Variants in ZNF117 observed in about 807,000 individuals in gnomAD.
ZNF117 encodes the protein Krueppel-related zinc finger protein.
ZNF117 carries 37 observed loss-of-function variants against 41.2 expected under a neutral mutation model. The ratio of observed to expected loss-of-function variants is 0.90; its 90% CI spans 0.69 to 1.18. ZNF117 has a LOEUF of 1.18. ZNF117 is among the 50% of genes most tolerant of loss of function. The pLI is 0.00. For missense variants in ZNF117, 546 were observed against 557.5 expected (o/e 0.98, Z 0.21); for synonymous variants, 186 against 186.6 (o/e 1.00, Z 0.02).
exon 3 of ZNF117, chr7:64,978,336 G>A (rs1324082966): frequency 1.9e-6 from 3 of 1,613,414 alleles, no homozygotes; most frequent in South Asian, 2.2e-5. Flanking sequence ...TTTCTCTCCA[G>A]TATGAATTTT....
At chr7:64,985,636 T>C (rs1289379424), upstream of ZNF117, among the ~76,000 whole-genome samples, 1 of 152,142 alleles carries the variant, frequency 6.6e-6, no homozygotes, top group Non-Finnish European at 1.5e-5. Flanking sequence ...ATACATAAAA[T>C]TTAAATGCTT....
At chr7:64,975,237 T>G (rs1271007734) in exon 3 of ZNF117, 1 of 151,924 alleles carries the variant, frequency 6.6e-6, no homozygotes, top group Non-Finnish European at 1.5e-5. Flanking sequence ...AAAGTTTAAT[T>G]AAAAAATTAA....
At chr7:64,972,028 C>T (rs1584041714), downstream of ZNF117, 1 of 151,752 alleles carries the variant, frequency 6.6e-6, no homozygotes, top group East Asian at 1.9e-4. Context: ...GAGCAAAAGG[C>T]TTAAATATTT....
upstream of ZNF117, chr7:64,982,125 C>T (rs540509510): frequency 2.4e-6 from 2 of 848,368 alleles, no homozygotes; most frequent in African/African-American, 1.7e-5. Flanking sequence ...CCCTGAAAAA[C>T]ACAAAAACAC....
At chr7:64,978,116 GGATCA>G (rs1785930279) in exon 3 of ZNF117, 1 of 1,604,758 alleles carries the variant, frequency 6.2e-7, no homozygotes, top group Non-Finnish European at 8.5e-7. Flanking sequence ...TGAGTTTTGA[GGATCA>G]GGTAGAAGCT....
chr7:64,980,184 T>C (rs13233376), intron 2 of ZNF117: 77,561 of 151,918 alleles, frequency 0.51, 20,773 homozygotes, highest in Admixed American at 0.63. Context: ...AAGAACATGT[T>C]TGAAAGACTC....
exon 3 of ZNF117, chr7:64,977,727 C>A: frequency 1.1e-6 from 1 of 891,466 alleles, no homozygotes; most frequent in Non-Finnish European, 1.7e-6. Context: ...ACATTCTTCA[C>A]ATTTATATGG....
At chr7:64,977,090 A>G (rs1267418599) in exon 3 of ZNF117, 1 of 524,260 alleles carries the variant, frequency 1.9e-6, no homozygotes, top group East Asian at 5.6e-5. Context: ...GAATTATATT[A>G]TGTATAGCAA....
At chr7:64,988,105 T>C (rs2129120944) in intron 1 of ZNF117, among the ~76,000 whole-genome samples, 1 of 152,208 alleles carries the variant, frequency 6.6e-6, no homozygotes, top group African/African-American at 2.4e-5. Flanking sequence ...ACTCATTATA[T>C]AAGAATGTCA....
Position 64,981,336 on chromosome 7 carries a change from C to T in ZNF117, c.34+51G>A. 2.5e-6 allele frequency: 4 copies of T among 1,604,824 alleles called. No individual in the cohort carries two copies. In the Middle Eastern group the frequency reaches 6.6e-4, roughly 266 times the overall value. ...TCACATTTTAAGCTGTGGCCTTCTC[C>T]TTGGCCTTTGACCTCTTCTCTGTGC... On this transcript the variant is annotated intron_variant, in intron 2 of 2. Transcript: ENST00000620222.
chr7:64,987,619 C>G (rs1786161490), intron 1 of ZNF117, among the ~76,000 whole-genome samples: 1 of 152,020 alleles, frequency 6.6e-6, no homozygotes, highest in Non-Finnish European at 1.5e-5. Context: ...CCTGACCCCA[C>G]AAGAATACAA....
intron 2 of ZNF117, among the ~76,000 whole-genome samples, 172 bp from the exon 4 acceptor site, chr7:64,979,708 A>C (rs1785983692): frequency 6.6e-6 from 1 of 152,038 alleles, no homozygotes; most frequent in Admixed American, 6.6e-5. Flanking sequence ...TATTGACCAA[A>C]ATGCATTTAT....
rs948598537 is a variant in ZNF117, at chr7:64,981,224, A to C, written c.34+163T>G. On this transcript the variant is annotated intron_variant, in intron 2 of 2. Coordinates refer to ENST00000620222, the Ensembl canonical transcript of ZNF117. ...AGGAATCCTTAGAGAATTGAAAAAC[A>C]ATACAAAATATGTTCTATGTGAGAG... 16 of 866,792 alleles carry C rather than the reference A, an allele frequency of 1.8e-5. No individual in the cohort carries two copies. In the Middle Eastern group the frequency reaches 1.4e-3, roughly 75 times the overall value. The allele number at this position is 866,792 out of a possible 1,614,324, so 53.7% of individuals were successfully genotyped here.
rs779401619 is a variant in ZNF117, at chr7:64,978,626, T to C, written c.945A>G (p.Lys315=). The C allele has an allele frequency of 1.7e-5, 27 of 1,607,356 alleles. No homozygotes were observed. In the East Asian group the frequency reaches 3.4e-4, roughly 20 times the overall value. The change falls in exon 3 of 3, where the codon AAA becomes AAG. Residue 315 remains lysine, a synonymous_variant. Coordinates refer to ENST00000620222, the Ensembl canonical transcript of ZNF117. ...TATGGTCAGTAAGATTTGAAAATTG[T>C]TTAAAAGCTTTGCCACATTCTTCAC...
intron 2 of ZNF117, 47 bp downstream of exon 3, chr7:64,981,340 G>C (rs749811706): frequency 6.2e-7 from 1 of 1,606,110 alleles, no homozygotes; most frequent in Non-Finnish European, 8.5e-7. Flanking sequence ...CTTCTCCTTG[G>C]CCTTTGACCT....
rs1562649450 is a variant in ZNF117 at position 64,989,486 on chromosome 7, T to TATATATAC, written c.-196+460_-196+461insGTATATAT. Among the ~76,000 whole-genome samples, 126 of 74,610 alleles carry TATATATAC rather than the reference T, an allele frequency of 1.7e-3. 1 individual carries two copies. Among genetic ancestry groups the TATATATAC allele is most frequent in the Non-Finnish European group, 3.1e-3 (108 of 34,480 alleles). The allele number at this position is 74,610 out of a possible 152,430, so 48.9% of individuals were successfully genotyped here. A position where few individuals can be genotyped will look rare whatever the true frequency, so the allele number is the denominator to read the frequency against. On this transcript the variant is annotated intron_variant, in intron 1 of 3. Coordinates refer to the ZNF117 transcript ENST00000282869. ...ATATATATATATATATATATATATATATATATATATATAAAACCTGAAAAT... is the reference window on the plus strand; with the variant it reads ...ATATATATATATATATATATATATATATATATACATATATATATATAAAACCTGAAAAT...
exon 3 of ZNF117, chr7:64,978,128 A>G: frequency 6.2e-7 from 1 of 1,608,758 alleles, no homozygotes; most frequent in Non-Finnish European, 8.5e-7. Context: ...ATCAGGTAGA[A>G]GCTTTGCCAC....
At chr7:64,981,168 T>C (rs1786023951) in intron 2 of ZNF117, 2 of 563,816 alleles carry the variant, frequency 3.5e-6, no homozygotes, top group Non-Finnish European at 6.0e-6. Flanking sequence ...GCTTTCACTG[T>C]GAAATTGAAG....
intron 1 of ZNF117, 101 bp downstream of exon 2, chr7:64,981,883 T>C: frequency 2.5e-6 from 1 of 401,888 alleles, no homozygotes; most frequent in Non-Finnish European, 4.6e-6. Flanking sequence ...AAAACAGGGA[T>C]CTGAAACTCA....
Sources: allele counts gnomAD v4.1 joint callset (sites outside exome capture counted in the v4.1 genomes callset), GRCh38; gene constraint gnomAD v4.1.1; transcripts MANE v1.5; gene names NCBI Gene and HGNC (gene_info 2026-07-23, HGNC 2026-07-21).